Variants in ARHGAP12 observed in about 807,000 individuals in gnomAD.
ARHGAP12 encodes the protein rho GTPase-activating protein 12.
A neutral mutation model predicts 108.6 loss-of-function variants in ARHGAP12; 64 were observed. The ratio of observed to expected loss-of-function variants is 0.59; its 90% confidence interval spans 0.48 to 0.73. The LOEUF (loss-of-function observed/expected upper bound fraction) is 0.73. Among genes scored for constraint, ARHGAP12 ranks in the 30% least tolerant of loss-of-function variants. ARHGAP12 has a pLI of 0.00. For missense variants in ARHGAP12, 940 were observed against 1,005.9 expected (o/e 0.93, Z 0.89); for synonymous variants, 312 against 337.2 (o/e 0.93, Z 0.82).
intron 11 of ARHGAP12, among the ~76,000 whole-genome samples, chr10:31,821,053 AAC>A (rs1835399083): frequency 6.6e-6 from 1 of 152,180 alleles, no homozygotes; most frequent in African/African-American, 2.4e-5. Flanking sequence ...CTACCTAATA[AAC>A]ATTCTCTAAA....
Position 31,855,663 on chromosome 10 carries a change from C to T in ARHGAP12, c.949-1457G>A, listed in dbSNP as rs537161934. Among the ~76,000 whole-genome samples the T allele has an allele frequency of 1.2e-4, 19 of 152,130 alleles. No homozygotes were observed. In the South Asian group the frequency reaches 1.5e-3, roughly 12 times the overall value. ...GCAACTTAAAATGCAAGCTCATAGA[C>T]GAGAAGAGTGCAGTAAAACTTTTAG... On this transcript the variant is annotated intron_variant, in intron 4 of 19. Transcript: ENST00000344936.
At chr10:31,859,411 T>C in intron 4 of ARHGAP12, among the ~76,000 whole-genome samples, 1 of 152,216 alleles carries the variant, frequency 6.6e-6, no homozygotes, top group East Asian at 1.9e-4. Flanking sequence ...ATTTCCATCC[T>C]AGAATTCTAT....
intron 3 of ARHGAP12, among the ~76,000 whole-genome samples, chr10:31,864,255 T>C (rs1452768217): frequency 6.6e-6 from 1 of 152,086 alleles, no homozygotes; most frequent in East Asian, 1.9e-4. Context: ...ATCTAGTCAG[T>C]TTCCCATACA....
rs1289508909 is a variant in ARHGAP12, at chr10:31,908,797, T to A, written c.59A>T (p.Glu20Val). The change falls in exon 3 of 20, where the codon GAA (glutamate) becomes GTA (valine). Residue 20 changes from glutamate (E) to valine (V), a missense_variant. By Grantham distance (121) the Glu-to-Val change is moderately radical. Transcript: ENST00000344936. ...CTTTGCTTCATATTCATAATCATAT[T>A]CCACCTCAATATACACTTGTCCTGG... is the stretch of plus-strand genomic sequence containing the variant. The part of the protein sequence containing the change: ...IIPGQVYIEV[E>V]YDYEYEAKDR... 4.3e-6 allele frequency: 7 copies of A among 1,609,552 alleles called. No homozygotes were observed. In the Middle Eastern group the frequency reaches 6.6e-4, roughly 152 times the overall value.
chr10:31,927,089 T>C (rs115866550), intron 1 of ARHGAP12, among the ~76,000 whole-genome samples: 2,464 of 152,320 alleles, frequency 0.016, 77 homozygotes, highest in African/African-American at 0.056. Context: ...GAAACACTTT[T>C]AGAACAGTGG....
At chr10:31,922,891 G>GT (rs2132502572) in intron 1 of ARHGAP12, among the ~76,000 whole-genome samples, 1 of 152,226 alleles carries the variant, frequency 6.6e-6, no homozygotes, top group Admixed American at 6.5e-5. Context: ...GTTTTAGGAA[G>GT]TCGAGACAAG....
chr10:31,905,955 C>T (rs977713458), intron 3 of ARHGAP12, among the ~76,000 whole-genome samples: 3 of 152,078 alleles, frequency 2.0e-5, no homozygotes, highest in East Asian at 1.9e-4. Context: ...TCCTGATATG[C>T]ACACCCCTGT....
At chr10:31,893,722 G>C (rs1838554135) in intron 3 of ARHGAP12, among the ~76,000 whole-genome samples, 1 of 152,140 alleles carries the variant, frequency 6.6e-6, no homozygotes, top group South Asian at 2.1e-4. Context: ...CAGAAAAAGA[G>C]GGAATCCTCC....
At chr10:31,889,795 A>G (rs1327996273) in intron 3 of ARHGAP12, among the ~76,000 whole-genome samples, 1 of 150,830 alleles carries the variant, frequency 6.6e-6, no homozygotes, top group African/African-American at 2.4e-5. Context: ...CACTGACCAG[A>G]CTGGTCTTGA....
At chr10:31,866,040 C>T (rs1369987421) in intron 3 of ARHGAP12, among the ~76,000 whole-genome samples, 1 of 152,112 alleles carries the variant, frequency 6.6e-6, no homozygotes, top group Admixed American at 6.5e-5. Flanking sequence ...AGTTTAAAGT[C>T]AGCATATGAT....
At chr10:31,923,528 C>T in intron 1 of ARHGAP12, among the ~76,000 whole-genome samples, 1 of 152,182 alleles carries the variant, frequency 6.6e-6, no homozygotes, top group East Asian at 1.9e-4. Context: ...CAAAGAGAAA[C>T]TCGCAAGTCA....
At chr10:31,882,676 G>A (rs1413935921) in intron 3 of ARHGAP12, among the ~76,000 whole-genome samples, 3 of 151,764 alleles carry the variant, frequency 2.0e-5, no homozygotes, top group Non-Finnish European at 4.4e-5. Context: ...ACGTGGGCGT[G>A]GTGGCACGTG....
chr10:31,864,389 C>T (rs1837244308), intron 3 of ARHGAP12, among the ~76,000 whole-genome samples: 1 of 152,050 alleles, frequency 6.6e-6, no homozygotes, highest in African/African-American at 2.4e-5. Flanking sequence ...TAAAACCTTC[C>T]TCAGGTACCT....
intron 12 of ARHGAP12, among the ~76,000 whole-genome samples, chr10:31,819,339 C>T (rs2132164724): frequency 6.6e-6 from 1 of 152,198 alleles, no homozygotes; most frequent in African/African-American, 2.4e-5. Flanking sequence ...TCTGTCTACA[C>T]AACACAACAG....
intron 12 of ARHGAP12, 64 bp downstream of exon 12, chr10:31,820,323 C>CA (rs1284942168): frequency 9.0e-6 from 12 of 1,334,014 alleles, no homozygotes; most frequent in East Asian, 2.6e-5. Context: ...CAAAATAGCT[C>CA]AAAAAACAGA....
At chr10:31,831,671 A>G in intron 10 of ARHGAP12, 68 bp downstream of exon 10, 1 of 1,098,308 alleles carries the variant, frequency 9.1e-7, no homozygotes, top group African/African-American at 1.6e-5. Flanking sequence ...TACTAAAATA[A>G]TTATATTGAG....
At chr10:31,906,732 C>T (rs1459163735) in intron 3 of ARHGAP12, among the ~76,000 whole-genome samples, 1 of 152,064 alleles carries the variant, frequency 6.6e-6, no homozygotes, top group Non-Finnish European at 1.5e-5. Context: ...CCATGGAACT[C>T]CAGGGCAGTG....
At chr10:31,845,972 A>T (rs1836447921) in intron 6 of ARHGAP12, among the ~76,000 whole-genome samples, 1 of 152,094 alleles carries the variant, frequency 6.6e-6, no homozygotes, top group Non-Finnish European at 1.5e-5. Context: ...CTCCTTTCCT[A>T]CCGTCCTGTG....
chr10:31,812,290 T>G (rs1431977765), intron 15 of ARHGAP12, among the ~76,000 whole-genome samples: 1 of 152,152 alleles, frequency 6.6e-6, no homozygotes, highest in African/African-American at 2.4e-5. Context: ...AAAAAACACC[T>G]TATGCTAATT....
Sources: allele counts gnomAD v4.1 joint callset (sites outside exome capture counted in the v4.1 genomes callset), GRCh38; gene constraint gnomAD v4.1.1; transcripts MANE v1.5; gene names NCBI Gene and HGNC (gene_info 2026-07-23, HGNC 2026-07-21).